Variants in MAPRE2 observed in about 807,000 individuals in gnomAD.
MAPRE2 encodes the protein microtubule-associated protein RP/EB family member 2.
A neutral mutation model predicts 43.2 loss-of-function variants in MAPRE2; 13 were observed. That is an observed-to-expected ratio of 0.30 (90% CI 0.20 to 0.48). The LOEUF (loss-of-function observed/expected upper bound fraction) is 0.48, where lower values mean the gene tolerates loss of function less well. MAPRE2 is among the 20% of genes least tolerant of loss of function. The pLI is 0.99. For missense variants in MAPRE2, 161 were observed against 400.2 expected (o/e 0.40, Z 5.10); for synonymous variants, 135 against 148.8 (o/e 0.91, Z 0.68).
intron 2 of MAPRE2, among the ~76,000 whole-genome samples, chr18:35,077,231 ACGCG>A (rs948052437): frequency 7.0e-6 from 1 of 142,002 alleles, no homozygotes. Flanking sequence ...TCTCACAGAT[ACGCG>A]CGCGTGCGCG....
At chr18:35,014,957 A>G (rs924847694) in intron 2 of MAPRE2, among the ~76,000 whole-genome samples, 1 of 152,132 alleles carries the variant, frequency 6.6e-6, no homozygotes, top group African/African-American at 2.4e-5. Flanking sequence ...GCTAGCCAAA[A>G]TGTCACTAAA....
intron 1 of MAPRE2, among the ~76,000 whole-genome samples, chr18:35,068,220 A>G (rs578104): frequency 0.3 from 45,255 of 152,052 alleles, 8,546 homozygotes; most frequent in East Asian, 0.53. Context: ...AGATTTTGCT[A>G]TTATATCTAG....
intron 1 of MAPRE2, among the ~76,000 whole-genome samples, chr18:34,999,061 C>G (rs779927956): frequency 6.6e-6 from 1 of 151,956 alleles, no homozygotes; most frequent in African/African-American, 2.4e-5. Flanking sequence ...CCACTATGAC[C>G]CAAACACTAA....
rs887889399 is a variant in MAPRE2, at chr18:35,048,885, C to T, written c.122+7224C>T. On this transcript the variant is annotated intron_variant, in intron 1 of 6. Transcript: ENST00000300249. ...ATAAAAATTTATACAGAAGAAAATA[C>T]AAATTTTTATAGAAATTCACATTTT... Among the ~76,000 whole-genome samples, 40 of 151,666 alleles carry T rather than the reference C, an allele frequency of 2.6e-4. 1 individual carries two copies. The highest frequency in any genetic ancestry group is 7.2e-4 in the Admixed American group (11 of 15,214).
At position 35,142,988 on chromosome 18, in the gene MAPRE2, A is replaced by G. The variant is rs1910728588; in HGVS notation, c.*2619A>G. On this transcript the variant is annotated 3_prime_UTR_variant, in exon 7 of 7. Coordinates refer to ENST00000300249, the MANE Select transcript of MAPRE2 (RefSeq NM_014268.4). ...GTGCCCGCTGTCGGCTGGTTATAGCACTTCCACTGCTACTGTCAGATAGGA... is the reference window on the plus strand; with the variant it reads ...GTGCCCGCTGTCGGCTGGTTATAGCGCTTCCACTGCTACTGTCAGATAGGA... The G allele has an allele frequency of 6.6e-6, 1 of 150,380 alleles. No homozygotes were observed. Among genetic ancestry groups the G allele is most frequent in the South Asian group, 2.1e-4 (1 of 4,780 alleles). The allele number at this position is 150,380 out of a possible 1,614,324, so 9.3% of individuals were successfully genotyped here. A position where few individuals can be genotyped will look rare whatever the true frequency, so the allele number is the denominator to read the frequency against.
At chr18:35,122,655 T>C (rs1159308084) in intron 4 of MAPRE2, among the ~76,000 whole-genome samples, 1 of 152,212 alleles carries the variant, frequency 6.6e-6, no homozygotes, top group Non-Finnish European at 1.5e-5. Flanking sequence ...GCAGAAGCGG[T>C]GCTTCCATCC....
intron 5 of MAPRE2, among the ~76,000 whole-genome samples, chr18:35,130,554 G>A (rs1312909711): frequency 6.6e-6 from 1 of 152,060 alleles, no homozygotes; most frequent in Non-Finnish European, 1.5e-5. Context: ...ATACACAAAG[G>A]CCCAGAATTA....
chr18:35,097,682 A>C, intron 3 of MAPRE2, 91 bp downstream of exon 3: 1 of 1,080,198 alleles, frequency 9.3e-7, no homozygotes, highest in Non-Finnish European at 1.3e-6. Flanking sequence ...TACCAATGGG[A>C]TATATCTTGA....
At chr18:35,125,226 A>G (rs1909857045) in intron 4 of MAPRE2, among the ~76,000 whole-genome samples, 1 of 152,182 alleles carries the variant, frequency 6.6e-6, no homozygotes, top group Admixed American at 6.5e-5. Context: ...GAAGACACAA[A>G]TATAAATTTT....
At chr18:35,039,617 A>G (rs1023660015), upstream of MAPRE2, among the ~76,000 whole-genome samples, 1 of 152,208 alleles carries the variant, frequency 6.6e-6, no homozygotes, top group African/African-American at 2.4e-5. Flanking sequence ...CTTGTTTGAG[A>G]TTATCCTTAC....
At chr18:35,061,483 C>T (rs1017903471) in intron 1 of MAPRE2, among the ~76,000 whole-genome samples, 4 of 152,110 alleles carry the variant, frequency 2.6e-5, no homozygotes, top group African/African-American at 9.7e-5. Flanking sequence ...GAGGCCCGGC[C>T]GCAGGGAGGG....
intron 2 of MAPRE2, among the ~76,000 whole-genome samples, chr18:35,090,741 A>G (rs1053199785): frequency 2.7e-5 from 4 of 150,392 alleles, no homozygotes; most frequent in South Asian, 2.1e-4. Flanking sequence ...CAAAAAAAAA[A>G]AAAAAGAAAA....
At position 35,104,559 on chromosome 18, in the gene MAPRE2, C is replaced by T. The variant is rs114641647; in HGVS notation, c.610+2400C>T. The stretch of plus-strand genomic sequence containing the variant: ...AAAAAGAGGGGAAATTGGAGTATGA[C>T]GCTAAAGCTGAAAGGAAAAGGTGAG... On this transcript the variant is annotated intron_variant, in intron 4 of 6. Transcript: ENST00000300249. Among the ~76,000 whole-genome samples the T allele has an allele frequency of 5.1e-3, 772 of 151,572 alleles. 11 individuals are homozygous for T. Among genetic ancestry groups the T allele is most frequent in the African/African-American group, 0.018 (748 of 41,250 alleles).
At chr18:35,082,713 A>G (rs1271167748) in intron 2 of MAPRE2, among the ~76,000 whole-genome samples, 1 of 152,046 alleles carries the variant, frequency 6.6e-6, no homozygotes, top group Non-Finnish European at 1.5e-5. Context: ...ATTCGGAGTT[A>G]AGCTCCTTGG....
chr18:35,000,366 G>A (rs111367777), intron 1 of MAPRE2, among the ~76,000 whole-genome samples: 2 of 152,194 alleles, frequency 1.3e-5, no homozygotes, highest in East Asian at 1.9e-4. Context: ...ATCTTCTTTC[G>A]ATGGCATGGC....
In MAPRE2 at chr18:34,985,235, T is replaced by TAATAAA. The variant is rs1225653659; in HGVS notation, c.-70+8156_-70+8157insAATAAA. On this transcript the variant is annotated intron_variant, in intron 1 of 7. Transcript: ENST00000413393. ...AAAATAAAATATATAATATTATATA[T>TAATAAA]TATATAATATAAAATATATAATATA... Among the ~76,000 whole-genome samples, 3 of 61,108 alleles carry TAATAAA rather than the reference T, an allele frequency of 4.9e-5. No homozygotes were observed. The East Asian group carries it at 1.8e-3, about 36-fold the overall frequency. The allele number at this position is 61,108 out of a possible 152,430, so 40.1% of individuals were successfully genotyped here.
rs771087999 is a variant in MAPRE2, at chr18:34,998,629, AT to A, written c.-69-6856del. On this transcript the variant is annotated intron_variant, in intron 1 of 7. Transcript: ENST00000413393. The stretch of plus-strand genomic sequence containing the variant: ...GGCATGAGCCACCGTGCCTGGCCTA[AT>A]TTTTTTATTTTTAGTAGAGACGGGG... Among the ~76,000 whole-genome samples the A allele has an allele frequency of 2.0e-5, 3 of 151,282 alleles. No homozygotes were observed. In the East Asian group the frequency reaches 5.8e-4, roughly 29 times the overall value.
At position 35,097,466 on chromosome 18, in the gene MAPRE2, A is replaced by G; in HGVS notation, c.271A>G (p.Met91Val). Reference protein sequence around the residue: ...LCSGAAYCQFMDMLFPGCISL... With the variant: ...LCSGAAYCQFVDMLFPGCISL... The stretch of plus-strand genomic sequence containing the variant: ...TCCAGGAGCGGCCTATTGCCAATTC[A>G]TGGACATGCTCTTCCCTGGCTGCAT... Residue 91 changes from methionine to valine, a missense_variant, in exon 3 of 7, where the codon ATG (methionine) becomes GTG (valine). Around this residue, in one of 2 missense-constraint regions of MAPRE2, gnomAD observed 65 missense variants for 246.9 expected, o/e 0.26. Transcript: ENST00000300249. 6.2e-7 allele frequency: 1 copy of G among 1,613,906 alleles called. No homozygotes were observed. Among genetic ancestry groups the G allele is most frequent in the Non-Finnish European group, 8.5e-7 (1 of 1,179,830 alleles).
At chr18:35,046,849 C>T (rs988399842) in intron 1 of MAPRE2, among the ~76,000 whole-genome samples, 1 of 152,168 alleles carries the variant, frequency 6.6e-6, no homozygotes, top group Admixed American at 6.5e-5. Flanking sequence ...GAGACTGGTA[C>T]TTAGCCCAGA....
Sources: gnomAD v4.1 joint callset for allele counts (sites outside exome capture counted in the v4.1 genomes callset) on GRCh38, gnomAD v4.1.1 for gene constraint, gnomAD v4.1.1 regional missense constraint, MANE v1.5 for transcripts, NCBI Gene and HGNC (gene_info 2026-07-23, HGNC 2026-07-21) for gene names.